ERP44: variants seen among roughly 807,000 people sequenced by gnomAD.
ERP44 encodes the protein endoplasmic reticulum protein 44.
A neutral mutation model predicts 53.4 loss-of-function variants in ERP44; 25 were observed. The observed-to-expected ratio is 0.47, with a 90% CI of 0.34 to 0.65. ERP44 has a LOEUF of 0.65. Among genes scored for constraint, ERP44 ranks in the 30% least tolerant of loss-of-function variants. The pLI, the probability that ERP44 is intolerant of heterozygous loss-of-function variation, is 0.01. For synonymous variants in ERP44, 145 were observed against 161.2 expected, an observed-to-expected ratio of 0.90 and a Z score of 0.76; for missense variants, 338 against 493.2, an observed-to-expected ratio of 0.69 and a Z score of 2.98.
chr9:100,016,505 T>C lies in ERP44; in HGVS notation c.646-67A>G, dbSNP rs1564090455. ...TGGCAAAAGTATATTCTTATTTTTT[T>C]TCTTTATATTTTTTAAAGCAAGGTC... is the stretch of plus-strand genomic sequence containing the variant. On this transcript the variant is annotated intron_variant, in intron 7 of 11. Coordinates refer to ENST00000262455, the MANE Select transcript of ERP44 (RefSeq NM_015051.3). 1.4e-5 allele frequency: 21 copies of C among 1,465,696 alleles called. No individual in the cohort carries two copies. The East Asian group carries it at 3.8e-4, about 27-fold the overall frequency. The allele number at this position is 1,465,696 out of a possible 1,614,324, so 90.8% of individuals were successfully genotyped here.
chr9:100,043,966 T>C (rs1353055746), intron 4 of ERP44, among the ~76,000 whole-genome samples: 1 of 152,210 alleles, frequency 6.6e-6, no homozygotes, highest in Non-Finnish European at 1.5e-5. Context: ...CATTAAACAT[T>C]ATATACATGT....
At chr9:100,074,276 C>G (rs1459654563) in intron 1 of ERP44, among the ~76,000 whole-genome samples, 1 of 152,174 alleles carries the variant, frequency 6.6e-6, no homozygotes, top group African/African-American at 2.4e-5. Flanking sequence ...CTCCCCACCC[C>G]CGTCAGTCTT....
chr9:99,994,479 A>C lies in ERP44; in HGVS notation c.1017-9410T>G, dbSNP rs2118612485. 2.6e-5 allele frequency among the ~76,000 whole-genome samples: 4 copies of C among 152,250 alleles called. No homozygotes were observed. In the Middle Eastern group the frequency reaches 0.01, roughly 388 times the overall value. On this transcript the variant is annotated intron_variant, in intron 10 of 11. Coordinates refer to ENST00000262455, the MANE Select transcript of ERP44 (RefSeq NM_015051.3). ...ACAACACTTGGACATGGGGCAGGGA[A>C]CATCACACACCGGGGCCTGGTGTGG...
At chr9:100,021,255 T>C (rs184314388) in intron 5 of ERP44, among the ~76,000 whole-genome samples, 9 of 152,356 alleles carry the variant, frequency 5.9e-5, no homozygotes, top group Admixed American at 5.2e-4. Context: ...CTGCTTGCTC[T>C]GAAATAGTGA....
intron 1 of ERP44, among the ~76,000 whole-genome samples, chr9:100,071,569 C>G (rs1272008455): frequency 6.6e-6 from 1 of 152,092 alleles, no homozygotes; most frequent in Non-Finnish European, 1.5e-5. Context: ...ACCAAATCCC[C>G]TAATGATTCC....
chr9:100,002,390 T>C (rs1830386829), intron 10 of ERP44, among the ~76,000 whole-genome samples: 1 of 152,210 alleles, frequency 6.6e-6, no homozygotes, highest in Non-Finnish European at 1.5e-5. Flanking sequence ...TAGTACTTAC[T>C]GTCCTTTTCT....
intron 1 of ERP44, among the ~76,000 whole-genome samples, chr9:100,072,815 C>T (rs1826320588): frequency 6.6e-6 from 1 of 152,202 alleles, no homozygotes; most frequent in African/African-American, 2.4e-5. Context: ...CTCTAACTCT[C>T]TATCTTCTGG....
Position 100,077,742 on chromosome 9 carries a change from G to A in ERP44, c.58-17570C>T, listed in dbSNP as rs139987556. On this transcript the variant is annotated intron_variant, in intron 1 of 11. Coordinates refer to ENST00000262455, the MANE Select transcript of ERP44 (RefSeq NM_015051.3). The stretch of plus-strand genomic sequence containing the variant: ...CCAACAGGCTAAGAAGGGAGGTACA[G>A]TGTTGGCTGGGGTGACTGACCCAGA... Among the ~76,000 whole-genome samples, 317 of 152,362 alleles carry A rather than the reference G, an allele frequency of 2.1e-3. 1 individual carries two copies. The highest frequency in any genetic ancestry group is 7.3e-3 in the African/African-American group (303 of 41,594).
intron 8 of ERP44, among the ~76,000 whole-genome samples, chr9:100,013,166 T>G (rs1363540089): frequency 6.6e-6 from 1 of 152,278 alleles, no homozygotes; most frequent in South Asian, 2.1e-4. Flanking sequence ...AGAATTCACA[T>G]ATATTATCTC....
chr9:100,091,067 A>C (rs1286160242), intron 1 of ERP44, among the ~76,000 whole-genome samples: 2 of 152,150 alleles, frequency 1.3e-5, no homozygotes, highest in Non-Finnish European at 2.9e-5. Context: ...CTCAAATACT[A>C]CTACAATGTT....
At chr9:100,022,826 T>C (rs1392970214) in intron 4 of ERP44, among the ~76,000 whole-genome samples, 1 of 152,148 alleles carries the variant, frequency 6.6e-6, no homozygotes, top group East Asian at 1.9e-4. Context: ...TAAAATGGAA[T>C]ATGAGCTCTC....
intron 10 of ERP44, among the ~76,000 whole-genome samples, chr9:100,001,635 C>T (rs932585326): frequency 6.6e-6 from 1 of 151,958 alleles, no homozygotes; most frequent in Non-Finnish European, 1.5e-5. Flanking sequence ...TTATAGCTAC[C>T]CTGCCCTCTT....
At position 100,012,648 on chromosome 9, in the gene ERP44, C is replaced by A. The variant is rs544885380; in HGVS notation, c.762+3674G>T. On this transcript the variant is annotated intron_variant, in intron 8 of 11. Coordinates refer to ENST00000262455, the MANE Select transcript of ERP44 (RefSeq NM_015051.3). ...AAAGGTATACCAAAAATGTACCATG[C>A]TGACATAAAAATACTAACTTATTTT... Among the ~76,000 whole-genome samples, 12 of 152,184 alleles carry A rather than the reference C, an allele frequency of 7.9e-5. No individual in the cohort carries two copies. The South Asian group carries it at 2.5e-3, about 32-fold the overall frequency.
At chr9:100,008,515 A>C (rs758148392) in intron 8 of ERP44, among the ~76,000 whole-genome samples, 12 of 152,168 alleles carry the variant, frequency 7.9e-5, no homozygotes, top group Non-Finnish European at 1.5e-4. Context: ...AGGGTCTCAT[A>C]ACAAAATTAT....
chr9:100,089,580 CAAAAAAA>C (rs71498726), intron 1 of ERP44, among the ~76,000 whole-genome samples: 1 of 43,526 alleles, frequency 2.3e-5, no homozygotes, highest in Non-Finnish European at 4.9e-5. Context: ...GACTCCATCT[CAAAAAAA>C]AAAAAAAAAA....
intron 4 of ERP44, among the ~76,000 whole-genome samples, chr9:100,034,261 TATG>T (rs1374999223): frequency 1.3e-5 from 2 of 152,164 alleles, no homozygotes; most frequent in African/African-American, 2.4e-5. Flanking sequence ...CAGTGCTCAT[TATG>T]ATAATTATTA....
chr9:100,098,677 T>G (rs1017077195), intron 1 of ERP44, 107 bp downstream of exon 1: 10 of 972,808 alleles, frequency 1.0e-5, no homozygotes, highest in African/African-American at 3.2e-5. Flanking sequence ...TCCAAAACAC[T>G]GCAGGAAAAG....
At chr9:100,040,746 T>C (rs1483792011) in intron 4 of ERP44, among the ~76,000 whole-genome samples, 1 of 152,178 alleles carries the variant, frequency 6.6e-6, no homozygotes, top group African/African-American at 2.4e-5. Context: ...AATATGATCT[T>C]ATATTTTGAA....
chr9:100,076,385 G>A (rs578142189), intron 1 of ERP44, among the ~76,000 whole-genome samples: 1 of 152,308 alleles, frequency 6.6e-6, no homozygotes, highest in South Asian at 2.1e-4. Flanking sequence ...ATGGCCTCAT[G>A]GGGAGTTCCC....
Sources: gnomAD v4.1 joint callset for allele counts (sites outside exome capture counted in the v4.1 genomes callset) on GRCh38, gnomAD v4.1.1 for gene constraint, MANE v1.5 for transcripts, NCBI Gene and HGNC (gene_info 2026-07-23, HGNC 2026-07-21) for gene names.